Variants in SUCO observed in about 807,000 individuals in gnomAD.
SUCO encodes the protein SUN domain containing ossification factor, also known as SUN domain-containing ossification factor.
Under a neutral mutation model 148.1 loss-of-function variants are expected in SUCO, and 57 were observed. The observed-to-expected ratio is 0.38, with a 90% CI of 0.31 to 0.48. SUCO has a LOEUF of 0.48. Ranked by LOEUF, SUCO falls within the 20% of genes least tolerant of loss-of-function variation. The pLI, the probability that SUCO is intolerant of heterozygous loss-of-function variation, is 0.96. For synonymous variants in SUCO, 470 were observed against 502.7 expected (o/e 0.93, Z 0.87); for missense variants, 1,331 against 1,468.2 (o/e 0.91, Z 1.53).
At chr1:172,540,941 A>G (rs1043595166) in intron 1 of SUCO, among the ~76,000 whole-genome samples, 2 of 152,222 alleles carry the variant, frequency 1.3e-5, no homozygotes, top group African/African-American at 4.8e-5. Context: ...AAAGAATTAG[A>G]TAATAAAGAT....
At chr1:172,602,650 G>A in intron 21 of SUCO, 46 bp from the exon 22 acceptor site, 1 of 1,599,778 alleles carries the variant, frequency 6.3e-7, no homozygotes. Flanking sequence ...TAAATTATAT[G>A]TGCTTTACTC....
At chr1:172,543,232 C>G (rs1021694925) in intron 1 of SUCO, among the ~76,000 whole-genome samples, 1 of 152,212 alleles carries the variant, frequency 6.6e-6, no homozygotes, top group Non-Finnish European at 1.5e-5. Context: ...CTGACCCACA[C>G]TTACTGTTGT....
intron 23 of SUCO, 42 bp from the exon 24 acceptor site, chr1:172,609,774 T>C: frequency 3.9e-6 from 6 of 1,556,044 alleles, no homozygotes; most frequent in Non-Finnish European, 5.2e-6. Flanking sequence ...AAGGTTACTA[T>C]GGGAAGTATC....
rs142943660 is a variant in SUCO, at chr1:172,609,145, G to A, written c.3321+343G>A. 29 of 638,728 alleles carry A rather than the reference G, an allele frequency of 4.5e-5. No individual in the cohort carries two copies. In the African/African-American group the frequency reaches 4.8e-4, roughly 10 times the overall value. The allele number at this position is 638,728 out of a possible 1,614,324, so 39.6% of individuals were successfully genotyped here. On this transcript the variant is annotated intron_variant, in intron 23 of 23. Transcript: ENST00000263688. ...TGGATGATTGTCATTATTTATTACC[G>A]AATGCATGCCAAGCACAGAGCATGC... is the stretch of plus-strand genomic sequence containing the variant.
intron 22 of SUCO, chr1:172,608,003 T>C: frequency 1.3e-6 from 1 of 782,772 alleles, no homozygotes; most frequent in Non-Finnish European, 1.6e-6. Flanking sequence ...TGAATAGGAC[T>C]AAAGTCTCAT....
chr1:172,607,593 G>A (rs929682025), intron 22 of SUCO, among the ~76,000 whole-genome samples: 1 of 151,534 alleles, frequency 6.6e-6, no homozygotes, highest in African/African-American at 2.4e-5. Flanking sequence ...TTGACTGTCC[G>A]GGTTCCCACT....
chr1:172,578,895 C>T (rs535376978), intron 14 of SUCO, among the ~76,000 whole-genome samples: 11 of 152,058 alleles, frequency 7.2e-5, no homozygotes, highest in African/African-American at 2.6e-4. Context: ...TAAATTTTCT[C>T]AAGAGTGAAA....
At chr1:172,603,898 C>T (rs1429494210) in intron 22 of SUCO, among the ~76,000 whole-genome samples, 1 of 151,668 alleles carries the variant, frequency 6.6e-6, no homozygotes, top group Non-Finnish European at 1.5e-5. Flanking sequence ...GTACATTATT[C>T]ATTTACATTT....
intron 9 of SUCO, among the ~76,000 whole-genome samples, chr1:172,571,304 G>C (rs1023121492): frequency 6.6e-6 from 1 of 152,202 alleles, no homozygotes; most frequent in African/African-American, 2.4e-5. Flanking sequence ...CGAGTGATCC[G>C]CCAGCCTCGG....
rs1473099625 is a variant in SUCO at position 172,610,650 on chromosome 1, TG to T, written c.*393del. The T allele has an allele frequency of 6.3e-6, 1 of 158,756 alleles. No homozygotes were observed. Among genetic ancestry groups the T allele is most frequent in the Admixed American group, 6.4e-5 (1 of 15,638 alleles). The allele number at this position is 158,756 out of a possible 1,614,324, so 9.8% of individuals were successfully genotyped here. A position where few individuals can be genotyped will look rare whatever the true frequency, so the allele number is the denominator to read the frequency against. ...GCCTTTTGTCTATTTATAATGCCAC[TG>T]GAAGAGGAGGGATAACTTTTTCTGT... On this transcript the variant is annotated 3_prime_UTR_variant, in exon 24 of 24. Coordinates refer to ENST00000263688, the MANE Select transcript of SUCO (RefSeq NM_014283.5).
At chr1:172,590,199 T>A (rs1656543084) in intron 18 of SUCO, 1 of 367,584 alleles carries the variant, frequency 2.7e-6, no homozygotes, top group Admixed American at 6.5e-5. Flanking sequence ...ACTTTCACCT[T>A]TTTTCGGTTG....
At chr1:172,602,607 C>A in intron 21 of SUCO, 89 bp from the exon 22 acceptor site, 2 of 1,546,868 alleles carry the variant, frequency 1.3e-6, no homozygotes, top group Non-Finnish European at 1.7e-6. Flanking sequence ...ATGTACAGTT[C>A]TCAATAACCT....
At chr1:172,542,275 G>C (rs1455988312) in intron 1 of SUCO, among the ~76,000 whole-genome samples, 5 of 152,104 alleles carry the variant, frequency 3.3e-5, no homozygotes, top group African/African-American at 1.2e-4. Context: ...CCACCTACTT[G>C]GGAGGCTGAG....
At chr1:172,578,424 T>TA in intron 14 of SUCO, 35 bp downstream of exon 14, 1 of 1,509,094 alleles carries the variant, frequency 6.6e-7, no homozygotes, top group Non-Finnish European at 9.1e-7. Flanking sequence ...GTTAGGTATA[T>TA]TTTTTTTACT....
intron 19 of SUCO, chr1:172,599,359 A>G: frequency 1.8e-6 from 1 of 563,678 alleles, no homozygotes; most frequent in Non-Finnish European, 2.2e-6. Flanking sequence ...ATTTTCAGTT[A>G]AAGTCTCCCT....
intron 1 of SUCO, among the ~76,000 whole-genome samples, chr1:172,536,573 G>A (rs957946245): frequency 1.9e-4 from 29 of 152,176 alleles, no homozygotes; most frequent in Non-Finnish European, 4.4e-5. Flanking sequence ...GCTTGTCTTG[G>A]TTTTAACACT....
At chr1:172,583,684 TATGATGATTA>T (rs375666203) in intron 15 of SUCO, among the ~76,000 whole-genome samples, 2 of 152,168 alleles carry the variant, frequency 1.3e-5, no homozygotes, top group African/African-American at 4.8e-5. Context: ...AGAAATAATG[TATGATGATTA>T]ATATGTAGCC....
At chr1:172,584,380 T>C in intron 15 of SUCO, 1 of 946,808 alleles carries the variant, frequency 1.1e-6, no homozygotes, top group Non-Finnish European at 1.3e-6. Context: ...TCACATTTTT[T>C]TCCCTGTCCC....
chr1:172,603,177 G>A (rs1657644052), intron 22 of SUCO: 1 of 162,046 alleles, frequency 6.2e-6, no homozygotes, highest in African/African-American at 2.4e-5. Flanking sequence ...CTCTAGTTTA[G>A]GACTATGAGG....
Sources: gnomAD v4.1 joint callset for allele counts (sites outside exome capture counted in the v4.1 genomes callset) on GRCh38, gnomAD v4.1.1 for gene constraint, MANE v1.5 for transcripts, NCBI Gene and HGNC (gene_info 2026-07-23, HGNC 2026-07-21) for gene names.